Variants in EGFR observed in about 807,000 individuals in gnomAD.
EGFR encodes the protein avian erythroblastic leukemia viral (v-erb-b) oncogene homolog.
Under a neutral mutation model 143.0 loss-of-function variants are expected in EGFR, and 58 were observed. The observed-to-expected ratio is 0.41, with a 90% confidence interval of 0.33 to 0.50. The LOEUF (loss-of-function observed/expected upper bound fraction) is 0.50, where lower values mean the gene tolerates loss of function less well. Ranked by LOEUF, EGFR falls within the 20% of genes least tolerant of loss-of-function variation. EGFR has a pLI of 0.39. For missense variants in EGFR, 1,307 were observed against 1,579.0 expected, an observed-to-expected ratio of 0.83 and a Z score of 2.92; for synonymous variants, 613 against 594.4, an observed-to-expected ratio of 1.03 and a Z score of -0.45.
chr7:55,196,412 T>G (rs1787621846), intron 22 of EGFR, among the ~76,000 whole-genome samples: 1 of 152,100 alleles, frequency 6.6e-6, no homozygotes, highest in African/African-American at 2.4e-5. Flanking sequence ...TTATAGATGC[T>G]GGTTATTAGA....
At chr7:55,085,259 T>A (rs1408144093) in intron 1 of EGFR, among the ~76,000 whole-genome samples, 2 of 152,216 alleles carry the variant, frequency 1.3e-5, no homozygotes, top group Non-Finnish European at 2.9e-5. Flanking sequence ...ATGCCTGGGG[T>A]ATCAGAGTTG....
intron 11 of EGFR, among the ~76,000 whole-genome samples, 166 bp downstream of exon 11, chr7:55,157,919 C>T (rs935858020): frequency 1.3e-5 from 2 of 152,240 alleles, no homozygotes; most frequent in Non-Finnish European, 2.9e-5. Context: ...GACTGCACGA[C>T]CACTGGCACA....
chr7:55,029,586 T>C (rs1480478528), intron 1 of EGFR, among the ~76,000 whole-genome samples: 1 of 152,222 alleles, frequency 6.6e-6, no homozygotes, highest in African/African-American at 2.4e-5. Context: ...ATATACTATA[T>C]AATTTTCAAA....
At chr7:55,201,905 G>A in intron 26 of EGFR, 123 bp downstream of exon 26, 1 of 1,216,640 alleles carries the variant, frequency 8.2e-7, no homozygotes, top group Non-Finnish European at 1.2e-6. Flanking sequence ...TCCTGTGTGG[G>A]TTTTTCCCTG....
chr7:55,026,309 T>G (rs1450774643), intron 1 of EGFR, among the ~76,000 whole-genome samples: 1 of 152,174 alleles, frequency 6.6e-6, no homozygotes, highest in East Asian at 1.9e-4. Context: ...AGAGTCACAT[T>G]TTATTTCACA....
At chr7:55,135,352 G>A (rs577426297) in intron 1 of EGFR, among the ~76,000 whole-genome samples, 308 of 151,854 alleles carry the variant, frequency 2.0e-3, no homozygotes, top group African/African-American at 7.2e-3. Flanking sequence ...TAGTCCAGAA[G>A]GCATATTATA....
chr7:55,070,529 G>A (rs899062478), intron 1 of EGFR, among the ~76,000 whole-genome samples: 2 of 152,290 alleles, frequency 1.3e-5, no homozygotes, highest in Middle Eastern at 3.4e-3. Context: ...ACAAACATGC[G>A]TACATAATAG....
intron 1 of EGFR, among the ~76,000 whole-genome samples, chr7:55,115,911 G>A (rs1562727598): frequency 6.6e-6 from 1 of 152,212 alleles, no homozygotes; most frequent in Non-Finnish European, 1.5e-5. Flanking sequence ...CGCAGATTAT[G>A]CGGAGAGAGA....
chr7:55,068,061 C>T (rs954992032), intron 1 of EGFR, among the ~76,000 whole-genome samples: 3 of 129,202 alleles, frequency 2.3e-5, no homozygotes, highest in East Asian at 3.1e-4. Context: ...CATGTATGTA[C>T]GCGTGTGCAT....
chr7:55,077,539 C>A (rs1790196714), intron 1 of EGFR, among the ~76,000 whole-genome samples: 1 of 152,080 alleles, frequency 6.6e-6, no homozygotes, highest in Admixed American at 6.5e-5. Flanking sequence ...GCACACCCTG[C>A]CTCACACTTG....
intron 1 of EGFR, among the ~76,000 whole-genome samples, chr7:55,019,724 T>C (rs1304927036): frequency 6.6e-6 from 1 of 152,100 alleles, no homozygotes; most frequent in Non-Finnish European, 1.5e-5. Flanking sequence ...CGGGTGCTGG[T>C]GGGCGCCTGG....
intron 21 of EGFR, 133 bp downstream of exon 21, chr7:55,192,007 G>A (rs2128965009): frequency 7.3e-7 from 1 of 1,361,504 alleles, no homozygotes. Flanking sequence ...CGCAGCAGCT[G>A]CTGCTGGCAG....
intron 1 of EGFR, among the ~76,000 whole-genome samples, chr7:55,028,025 T>TATATATATATATATATACAC (rs869080650): frequency 2.0e-5 from 2 of 101,652 alleles, no homozygotes; most frequent in African/African-American, 9.6e-5. Context: ...TATATATATA[T>TATATATATATATATATACAC]ACACACACAC....
chr7:55,136,489 CA>C (rs1449430405), intron 1 of EGFR, among the ~76,000 whole-genome samples: 1 of 152,148 alleles, frequency 6.6e-6, no homozygotes, highest in Non-Finnish European at 1.5e-5. Context: ...ATTGCTTTCA[CA>C]ACAAAAATAT....
intron 19 of EGFR, among the ~76,000 whole-genome samples, chr7:55,175,269 G>A (rs1786546369): frequency 6.6e-6 from 1 of 152,188 alleles, no homozygotes; most frequent in South Asian, 2.1e-4. Context: ...TCTCATCTTT[G>A]AAATGGCTTT....
intron 1 of EGFR, among the ~76,000 whole-genome samples, chr7:55,065,205 G>A (rs1351344387): frequency 6.6e-6 from 1 of 152,164 alleles, no homozygotes; most frequent in East Asian, 1.9e-4. Context: ...TAGTGTTACT[G>A]GAGATTCCTG....
chr7:55,153,343 C>T (rs1477518145), intron 6 of EGFR, among the ~76,000 whole-genome samples: 2 of 152,246 alleles, frequency 1.3e-5, no homozygotes, highest in Non-Finnish European at 1.5e-5. Flanking sequence ...GTCCTGGAGA[C>T]GCCAAGGCTG....
chr7:55,209,679 G>C lies in EGFR; in HGVS notation c.*4062G>C, dbSNP rs1788192210. Reference sequence around the variant, plus strand: ...CTTGCCTCTTTCACCAGCCACACCTGCCATACCAGGGGTACAGCTTTGTAC... The same window carrying C: ...CTTGCCTCTTTCACCAGCCACACCTCCCATACCAGGGGTACAGCTTTGTAC... On this transcript the variant is annotated 3_prime_UTR_variant, in exon 28 of 28. Coordinates refer to ENST00000275493, the MANE Select transcript of EGFR (RefSeq NM_005228.5). 6.6e-6 allele frequency: 1 copy of C among 152,214 alleles called. No individual in the cohort carries two copies. Among genetic ancestry groups the C allele is most frequent in the East Asian group, 1.9e-4 (1 of 5,200 alleles). The allele number at this position is 152,214 out of a possible 1,614,324, so 9.4% of individuals were successfully genotyped here.
chr7:55,159,168 C>G (rs1475877856), intron 11 of EGFR, among the ~76,000 whole-genome samples: 1 of 152,192 alleles, frequency 6.6e-6, no homozygotes, highest in Non-Finnish European at 1.5e-5. Context: ...TCATCGTGGT[C>G]CTGTAGGGGC....
Sources: allele counts gnomAD v4.1 joint callset (sites outside exome capture counted in the v4.1 genomes callset), GRCh38; gene constraint gnomAD v4.1.1; transcripts MANE v1.5; gene names NCBI Gene and HGNC (gene_info 2026-07-23, HGNC 2026-07-21).